The following MMP27 variants were observed in gnomAD, a reference collection of about 807,000 sequenced individuals.
The protein encoded by MMP27 is matrix metallopeptidase 27.
Under a neutral mutation model 48.1 loss-of-function variants are expected in MMP27, and 51 were observed. The ratio of observed to expected loss-of-function variants is 1.06; its 90% CI spans 0.85 to 1.34. The LOEUF (loss-of-function observed/expected upper bound fraction) is 1.34, where lower values mean the gene tolerates loss of function less well. Ranked by LOEUF, MMP27 falls within the 40% of genes most tolerant of loss-of-function variation. The pLI is 0.00. For synonymous variants in MMP27, 229 were observed against 208.9 expected, an observed-to-expected ratio of 1.10 and a Z score of -0.83; for missense variants, 698 against 619.3, an observed-to-expected ratio of 1.13 and a Z score of -1.35.
chr11:102,692,560 ATTCTGCCTC>A (rs1860744868), intron 9 of MMP27, among the ~76,000 whole-genome samples: 1 of 152,214 alleles, frequency 6.6e-6, no homozygotes, highest in Non-Finnish European at 1.5e-5. Flanking sequence ...ATCACTCACA[ATTCTGCCTC>A]AAATACTTTG....
chr11:102,699,328 C>A (rs1204117125), intron 4 of MMP27, among the ~76,000 whole-genome samples: 2 of 151,926 alleles, frequency 1.3e-5, no homozygotes, highest in African/African-American at 4.8e-5. Context: ...ATTAGCCAGG[C>A]AAGGTGACCT....
chr11:102,696,310 C>G, intron 6 of MMP27, 61 bp downstream of exon 6: 2 of 1,588,014 alleles, frequency 1.3e-6, no homozygotes, highest in South Asian at 2.3e-5. Flanking sequence ...TCTTTATCCT[C>G]AAATCTCTTG....
At chr11:102,698,927 G>T (rs1263290355) in intron 4 of MMP27, among the ~76,000 whole-genome samples, 1 of 152,184 alleles carries the variant, frequency 6.6e-6, no homozygotes, top group African/African-American at 2.4e-5. Context: ...AGCCCGTAAG[G>T]ACTGCATTGT....
chr11:102,699,470 A>T (rs12785344), intron 4 of MMP27, among the ~76,000 whole-genome samples: 23,739 of 152,114 alleles, frequency 0.16, 1,966 homozygotes, highest in East Asian at 0.27. Context: ...CCGGTCTCAA[A>T]AAATAAATAA....
chr11:102,696,288 C>T (rs1401851792), intron 6 of MMP27, 83 bp downstream of exon 6: 1 of 1,445,720 alleles, frequency 6.9e-7, no homozygotes, highest in Non-Finnish European at 9.6e-7. Flanking sequence ...TTTCACTAGC[C>T]CCATGACTAC....
chr11:102,704,103 C>T (rs1397396621), intron 2 of MMP27, among the ~76,000 whole-genome samples: 1 of 152,180 alleles, frequency 6.6e-6, no homozygotes, highest in Non-Finnish European at 1.5e-5. Flanking sequence ...AGGGGCTCAT[C>T]TGAGATTTGG....
chr11:102,692,863 A>G (rs896134920), intron 9 of MMP27, 75 bp downstream of exon 9: 1 of 1,227,710 alleles, frequency 8.1e-7, no homozygotes, highest in African/African-American at 1.5e-5. Context: ...AAAAGCATTT[A>G]AGTTTTTGTG....
intron 4 of MMP27, among the ~76,000 whole-genome samples, chr11:102,699,392 C>T (rs1376396260): frequency 6.6e-6 from 1 of 152,006 alleles, no homozygotes; most frequent in Non-Finnish European, 1.5e-5. Context: ...TGCTTGAGTC[C>T]AATAGGCATA....
chr11:102,704,789 T>C lies in MMP27; in HGVS notation c.103-14A>G, dbSNP rs752790928. 2 of 1,365,506 alleles carry C rather than the reference T, an allele frequency of 1.5e-6. No homozygotes were observed. The highest frequency in any genetic ancestry group is 1.9e-6 in the Non-Finnish European group (2 of 1,032,758). 84.6% of individuals were successfully genotyped at this position (1,365,506 alleles called of 1,614,324 possible). A position where few individuals can be genotyped will look rare whatever the true frequency, so the allele number is the denominator to read the frequency against. Reference sequence around the variant, plus strand: ...GTTGAGATATGCCTGACCAAAAAGATAAGAAAAAAAAAAAAGAGGCACAGA... The same window carrying C: ...GTTGAGATATGCCTGACCAAAAAGACAAGAAAAAAAAAAAAGAGGCACAGA... On this transcript the variant is annotated splice_polypyrimidine_tract_variant and intron_variant, in intron 1 of 9. Coordinates refer to ENST00000260229, the MANE Select transcript of MMP27 (RefSeq NM_022122.3).
chr11:102,702,581 G>A lies in MMP27; in HGVS notation c.619+172C>T, dbSNP rs75978689. On this transcript the variant is annotated intron_variant, in intron 4 of 9. Transcript: ENST00000260229. ...GAAGACTGCTCTGATCATAGTAGAA[G>A]TAGCCACTTTATGAGGGTGTATTGA... Among the ~76,000 whole-genome samples, 1,269 of 152,316 alleles carry A rather than the reference G, an allele frequency of 8.3e-3. 23 individuals carry two copies. Among genetic ancestry groups the A allele is most frequent in the African/African-American group, 0.029 (1,202 of 41,574 alleles).
At chr11:102,695,186 G>T (rs1860801855) in intron 6 of MMP27, 89 bp from the exon 7 acceptor site, 22 of 1,404,082 alleles carry the variant, frequency 1.6e-5, no homozygotes, top group Non-Finnish European at 1.7e-5. Flanking sequence ...TTAGCTAATT[G>T]GTTGGTATCT....
chr11:102,695,603 A>G (rs767098925), intron 6 of MMP27, among the ~76,000 whole-genome samples: 2 of 152,180 alleles, frequency 1.3e-5, no homozygotes, highest in Non-Finnish European at 2.9e-5. Context: ...TGTGACATTC[A>G]TGGTGGGTAG....
chr11:102,695,037 GA>G lies in MMP27; in HGVS notation c.962del (p.Phe321SerfsTer30). The G allele has an allele frequency of 6.2e-7, 1 of 1,613,982 alleles. No individual in the cohort carries two copies. Among genetic ancestry groups the G allele is most frequent in the Non-Finnish European group, 8.5e-7 (1 of 1,179,938 alleles). On this transcript the variant is annotated frameshift_variant, in exon 7 of 10. Coordinates refer to ENST00000260229, the MANE Select transcript of MMP27 (RefSeq NM_022122.3). LOFTEE classifies it high-confidence loss of function. ...GCAGATCAGCTGGCAGAGATGGCCAGAATGAAGCAATTAATTCAAACTCAAC... is the reference window on the plus strand; with the variant it reads ...GCAGATCAGCTGGCAGAGATGGCCAGATGAAGCAATTAATTCAAACTCAAC... ...TDVEFELIAS[F>X]WPSLPADLQA...
intron 7 of MMP27, 42 bp downstream of exon 7, chr11:102,694,925 G>C: frequency 6.2e-7 from 1 of 1,609,762 alleles, no homozygotes; most frequent in Non-Finnish European, 8.5e-7. Context: ...GGTTAGTTCA[G>C]GCAGCCAGAG....
intron 6 of MMP27, 59 bp from the exon 7 acceptor site, chr11:102,695,156 T>C (rs1361952190): frequency 1.1e-5 from 17 of 1,577,120 alleles, no homozygotes; most frequent in South Asian, 2.3e-5. Flanking sequence ...ATGAGAATTT[T>C]GTAATCTTAG....
chr11:102,697,104 C>A (rs1368058620), intron 4 of MMP27, among the ~76,000 whole-genome samples: 1 of 152,160 alleles, frequency 6.6e-6, no homozygotes, highest in African/African-American at 2.4e-5. Context: ...CCACTACACA[C>A]CAAGGTTACA....
chr11:102,703,878 T>C (rs1261257742), intron 2 of MMP27, among the ~76,000 whole-genome samples: 1 of 152,202 alleles, frequency 6.6e-6, no homozygotes, highest in Non-Finnish European at 1.5e-5. Flanking sequence ...AAAAGATTTT[T>C]CTCGTTTATG....
At position 102,704,823 on chromosome 11, in the gene MMP27, G is replaced by C. The variant is rs371458210; in HGVS notation, c.103-48C>G. The C allele has an allele frequency of 4.7e-6, 6 of 1,286,296 alleles. No individual in the cohort carries two copies. In the African/African-American group the frequency reaches 6.0e-5, roughly 13 times the overall value. The allele number at this position is 1,286,296 out of a possible 1,614,324, so 79.7% of individuals were successfully genotyped here. On this transcript the variant is annotated intron_variant, in intron 1 of 9. Coordinates refer to ENST00000260229, the MANE Select transcript of MMP27 (RefSeq NM_022122.3). Reference sequence around the variant, plus strand: ...AAAAAAAGAGGCACAGACTACAGGAGAGCAAATCTCCATCTCAGGATAAAG... The same window carrying C: ...AAAAAAAGAGGCACAGACTACAGGACAGCAAATCTCCATCTCAGGATAAAG...
At position 102,694,924 on chromosome 11, in the gene MMP27, A is replaced by G. The variant is rs1236833621; in HGVS notation, c.1033+43T>C. 2.5e-6 allele frequency: 4 copies of G among 1,609,242 alleles called. No individual in the cohort carries two copies. The African/African-American group carries it at 5.3e-5, about 22-fold the overall frequency. The stretch of plus-strand genomic sequence containing the variant: ...CACCAAAATATCCACTGGTTAGTTC[A>G]GGCAGCCAGAGGGAGAAGAGGAATC... On this transcript the variant is annotated intron_variant, in intron 7 of 9. Coordinates refer to ENST00000260229, the MANE Select transcript of MMP27 (RefSeq NM_022122.3).
Sources: gnomAD v4.1 joint callset for allele counts (sites outside exome capture counted in the v4.1 genomes callset) on GRCh38, gnomAD v4.1.1 for gene constraint, MANE v1.5 for transcripts, NCBI Gene and HGNC (gene_info 2026-07-23, HGNC 2026-07-21) for gene names.